CAMK1D: variants seen among roughly 807,000 people sequenced by gnomAD.
CAMK1D encodes calcium/calmodulin dependent protein kinase ID, also known as calcium/calmodulin-dependent protein kinase type 1D.
A neutral mutation model predicts 47.7 loss-of-function variants in CAMK1D; 9 were observed. The observed-to-expected ratio is 0.19, with a 90% CI of 0.11 to 0.33. The LOEUF (loss-of-function observed/expected upper bound fraction) is 0.33, where lower values mean the gene tolerates loss of function less well. Ranked by LOEUF, CAMK1D falls within the 10% of genes least tolerant of loss-of-function variation. The probability of loss-of-function intolerance (pLI) is 1.00; values close to 1 mark genes in which losing one functional copy is unlikely to be tolerated. For synonymous variants in CAMK1D, 184 were observed against 184.9 expected (o/e 0.99, Z 0.04); for missense variants, 291 against 488.7 (o/e 0.60, Z 3.81).
intron 4 of CAMK1D, among the ~76,000 whole-genome samples, chr10:12,767,551 GA>G (rs1836825366): frequency 6.6e-6 from 1 of 152,172 alleles, no homozygotes; most frequent in South Asian, 2.1e-4. Flanking sequence ...AAGAGATCCT[GA>G]TGACATGTGC....
At chr10:12,406,170 T>G (rs1341884361) in intron 1 of CAMK1D, among the ~76,000 whole-genome samples, 1 of 152,172 alleles carries the variant, frequency 6.6e-6, no homozygotes, top group African/African-American at 2.4e-5. Flanking sequence ...TGATCTTTCC[T>G]TGCTCAGGTT....
At chr10:12,678,939 T>A (rs1840901294) in intron 3 of CAMK1D, among the ~76,000 whole-genome samples, 1 of 152,068 alleles carries the variant, frequency 6.6e-6, no homozygotes, top group Non-Finnish European at 1.5e-5. Flanking sequence ...ATTTTTGTAT[T>A]TTTAGTAGAG....
At chr10:12,709,540 A>G (rs1833858923) in intron 3 of CAMK1D, among the ~76,000 whole-genome samples, 1 of 152,226 alleles carries the variant, frequency 6.6e-6, no homozygotes, top group Admixed American at 6.5e-5. Flanking sequence ...CCCAAAGCTA[A>G]GAGTCTGCAA....
At chr10:12,693,544 G>C (rs1175095710) in intron 3 of CAMK1D, among the ~76,000 whole-genome samples, 1 of 151,798 alleles carries the variant, frequency 6.6e-6, no homozygotes, top group Non-Finnish European at 1.5e-5. Context: ...GAGGTGGGAG[G>C]ATCACCTGAG....
At chr10:12,361,545 CTTTTTTTTT>C (rs36015215) in intron 1 of CAMK1D, among the ~76,000 whole-genome samples, 1 of 63,090 alleles carries the variant, frequency 1.6e-5, no homozygotes, top group Non-Finnish European at 2.8e-5. Flanking sequence ...GTGCCTGGCC[CTTTTTTTTT>C]TTTTTTTTTT....
chr10:12,506,709 G>A (rs529514104), intron 1 of CAMK1D, among the ~76,000 whole-genome samples: 15 of 152,026 alleles, frequency 9.9e-5, no homozygotes, highest in African/African-American at 3.4e-4. Flanking sequence ...TAGTAGAGAC[G>A]GGGTTTCACC....
intron 1 of CAMK1D, among the ~76,000 whole-genome samples, chr10:12,534,240 C>T (rs189414204): frequency 3.9e-5 from 6 of 152,288 alleles, no homozygotes; most frequent in East Asian, 3.9e-4. Flanking sequence ...CATGGAGTCT[C>T]GCTCTGTCAC....
Position 12,553,323 on chromosome 10 carries a change from G to A in CAMK1D, c.191G>A (p.Ser64Asn). ...IPKKALKGKE[S>N]SIENEIAVLR... ...AAGAAGGCGCTGAAGGGCAAGGAAA[G>A]CAGCATAGAGAATGAGATAGCCGTC... Residue 64 changes from serine to asparagine, a missense_variant, in exon 2 of 11, where the codon AGC becomes AAC. Transcript: ENST00000619168. The A allele has an allele frequency of 6.2e-7, 1 of 1,614,134 alleles. No individual in the cohort carries two copies. Among genetic ancestry groups the A allele is most frequent in the African/African-American group, 1.3e-5 (1 of 75,056 alleles).
intron 1 of CAMK1D, among the ~76,000 whole-genome samples, chr10:12,487,285 C>G (rs1232528592): frequency 4.6e-5 from 7 of 152,166 alleles, no homozygotes; most frequent in African/African-American, 2.4e-5. Flanking sequence ...CTCAAGGTCT[C>G]TTTATCGGGT....
At chr10:12,506,681 G>T (rs922846499) in intron 1 of CAMK1D, among the ~76,000 whole-genome samples, 1 of 152,054 alleles carries the variant, frequency 6.6e-6, no homozygotes, top group Non-Finnish European at 1.5e-5. Flanking sequence ...ACCACGCCCG[G>T]CTAGTTTTTT....
intron 3 of CAMK1D, among the ~76,000 whole-genome samples, chr10:12,696,057 C>G (rs957364735): frequency 6.6e-6 from 1 of 151,014 alleles, no homozygotes; most frequent in Non-Finnish European, 1.5e-5. Context: ...CAGCCTGGGT[C>G]CAGCCTGGGC....
intron 1 of CAMK1D, among the ~76,000 whole-genome samples, chr10:12,350,743 AG>A (rs1837330748): frequency 6.6e-6 from 1 of 152,206 alleles, no homozygotes; most frequent in African/African-American, 2.4e-5. Flanking sequence ...GGCTCAGAAT[AG>A]GTGGGGAGGC....
intron 3 of CAMK1D, among the ~76,000 whole-genome samples, chr10:12,693,421 G>T (rs571283927): frequency 6.6e-6 from 1 of 151,796 alleles, no homozygotes; most frequent in Admixed American, 6.6e-5. Context: ...GGCCTCCAGC[G>T]TGGGCAATGT....
chr10:12,421,065 A>G (rs1338063491), intron 1 of CAMK1D, among the ~76,000 whole-genome samples: 1 of 152,108 alleles, frequency 6.6e-6, no homozygotes, highest in Non-Finnish European at 1.5e-5. Flanking sequence ...AGCCTTCTAC[A>G]CTTTAGGAGA....
intron 2 of CAMK1D, among the ~76,000 whole-genome samples, chr10:12,554,143 T>C (rs4750235): frequency 0.48 from 71,110 of 146,724 alleles, 17,974 homozygotes; most frequent in African/African-American, 0.55. Context: ...CCCCTCCCCT[T>C]TGCTCCCCTC....
chr10:12,595,957 G>C (rs565695503), intron 2 of CAMK1D, among the ~76,000 whole-genome samples: 2 of 152,066 alleles, frequency 1.3e-5, no homozygotes, highest in South Asian at 2.1e-4. Context: ...GTCTCTGCTT[G>C]GGGGAGAGTC....
chr10:12,650,679 C>G (rs975426459), intron 2 of CAMK1D, among the ~76,000 whole-genome samples: 1 of 152,200 alleles, frequency 6.6e-6, no homozygotes, highest in African/African-American at 2.4e-5. Flanking sequence ...CCCACTCCAC[C>G]CGCCCCAATC....
At chr10:12,676,835 T>C (rs1168165883) in intron 3 of CAMK1D, among the ~76,000 whole-genome samples, 1 of 152,206 alleles carries the variant, frequency 6.6e-6, no homozygotes, top group Non-Finnish European at 1.5e-5. Flanking sequence ...CCAGAAAATA[T>C]CCTATATTTT....
intron 1 of CAMK1D, among the ~76,000 whole-genome samples, chr10:12,443,292 G>A (rs895040128): frequency 6.6e-6 from 1 of 152,116 alleles, no homozygotes; most frequent in Admixed American, 6.6e-5. Context: ...CAGGTACCAT[G>A]GTCAAACAGA....
Sources: gnomAD v4.1 joint callset for allele counts (sites outside exome capture counted in the v4.1 genomes callset) on GRCh38, gnomAD v4.1.1 for gene constraint, MANE v1.5 for transcripts, NCBI Gene and HGNC (gene_info 2026-07-23, HGNC 2026-07-21) for gene names.